Variants in RIN2 observed in about 807,000 individuals in gnomAD.
RIN2 encodes Ras and Rab interactor 2.
In RIN2, 36 loss-of-function variants were observed where a neutral mutation model predicts 78.0. That is an observed-to-expected ratio of 0.46 (90% CI 0.35 to 0.61). RIN2 has a LOEUF of 0.61. RIN2 is among the 20% of genes least tolerant of loss of function. The pLI is 0.00. For synonymous variants in RIN2, 466 were observed against 466.8 expected, an observed-to-expected ratio of 1.00 and a Z score of 0.02; for missense variants, 1,087 against 1,159.7, an observed-to-expected ratio of 0.94 and a Z score of 0.91.
intron 3 of RIN2, among the ~76,000 whole-genome samples, chr20:19,904,731 G>C (rs1294549776): frequency 9.2e-5 from 14 of 152,218 alleles, no homozygotes; most frequent in Non-Finnish European, 2.1e-4. Context: ...CGGAAGCGGT[G>C]ATGGGTATGA....
chr20:19,783,877 TG>T (rs2034588940), intron 1 of RIN2, among the ~76,000 whole-genome samples: 1 of 152,086 alleles, frequency 6.6e-6, no homozygotes, highest in South Asian at 2.1e-4. Context: ...GGCCTCTCCC[TG>T]GGAAAAGCTC....
intron 3 of RIN2, among the ~76,000 whole-genome samples, chr20:19,928,885 G>A (rs1388678541): frequency 6.6e-6 from 1 of 152,174 alleles, no homozygotes; most frequent in African/African-American, 2.4e-5. Context: ...CCTCTGTCCT[G>A]CTGTACATGC....
intron 2 of RIN2, among the ~76,000 whole-genome samples, chr20:19,815,560 C>G (rs985881715): frequency 3.9e-5 from 6 of 152,164 alleles, no homozygotes; most frequent in African/African-American, 1.4e-4. Context: ...CTTCTTTGGA[C>G]TTTTCAAAAG....
At chr20:19,856,220 C>T (rs1177786062) in intron 2 of RIN2, among the ~76,000 whole-genome samples, 4 of 152,054 alleles carry the variant, frequency 2.6e-5, no homozygotes, top group Admixed American at 2.6e-4. Flanking sequence ...ATGGGAAAAA[C>T]TGTGCATGAC....
intron 2 of RIN2, among the ~76,000 whole-genome samples, chr20:19,873,253 T>C (rs1287435476): frequency 6.6e-6 from 1 of 152,130 alleles, no homozygotes; most frequent in East Asian, 1.9e-4. Flanking sequence ...GCCTCCCAAG[T>C]AGCTGGGACT....
At chr20:19,916,303 C>G (rs2039683040) in intron 3 of RIN2, among the ~76,000 whole-genome samples, 1 of 152,142 alleles carries the variant, frequency 6.6e-6, no homozygotes, top group Non-Finnish European at 1.5e-5. Flanking sequence ...CCCAGGAACA[C>G]TGCTTTAAGT....
chr20:19,898,788 G>A (rs571630578), intron 3 of RIN2, among the ~76,000 whole-genome samples: 3 of 152,218 alleles, frequency 2.0e-5, no homozygotes, highest in East Asian at 1.9e-4. Context: ...GTTAAATCAC[G>A]TGCCAGCATG....
chr20:19,967,397 A>AT (rs773868213), intron 7 of RIN2, among the ~76,000 whole-genome samples: 80 of 152,278 alleles, frequency 5.3e-4, no homozygotes, highest in Non-Finnish European at 8.4e-4. Flanking sequence ...TTGGTAGTTG[A>AT]TTTACTCAGT....
At chr20:19,970,078 C>T (rs1320637196) in intron 7 of RIN2, among the ~76,000 whole-genome samples, 2 of 152,334 alleles carry the variant, frequency 1.3e-5, no homozygotes, top group South Asian at 2.1e-4. Context: ...TCCATCTGCA[C>T]GTGGCACCAT....
chr20:19,809,770 C>G (rs1391049362), intron 2 of RIN2: 1 of 152,142 alleles, frequency 6.6e-6, no homozygotes, highest in Non-Finnish European at 1.5e-5. Context: ...AGGAGGACGC[C>G]TACTGCCTGG....
At chr20:19,998,587 G>C (rs1487193067) in intron 12 of RIN2, among the ~76,000 whole-genome samples, 1 of 152,128 alleles carries the variant, frequency 6.6e-6, no homozygotes, top group Non-Finnish European at 1.5e-5. Flanking sequence ...CTCCAGCCTG[G>C]GCAGCAGAAT....
intron 2 of RIN2, among the ~76,000 whole-genome samples, chr20:19,848,088 A>G (rs937390117): frequency 2.0e-5 from 3 of 152,094 alleles, no homozygotes; most frequent in Middle Eastern, 3.2e-3. Context: ...AGCAAGGGGG[A>G]GGGAGGGGAC....
At chr20:19,918,325 GA>G (rs997438030) in intron 3 of RIN2, among the ~76,000 whole-genome samples, 4 of 151,074 alleles carry the variant, frequency 2.6e-5, no homozygotes, top group East Asian at 2.0e-4. Context: ...TTCAAAAAAC[GA>G]AAAAACGTGA....
intron 3 of RIN2, among the ~76,000 whole-genome samples, chr20:19,904,198 C>T (rs2039112057): frequency 6.7e-6 from 1 of 149,236 alleles, no homozygotes; most frequent in African/African-American, 2.5e-5. Flanking sequence ...TGCCATTGCA[C>T]TCCAGCCTGG....
chr20:19,832,556 C>G (rs1233257606), intron 2 of RIN2, among the ~76,000 whole-genome samples: 1 of 151,816 alleles, frequency 6.6e-6, no homozygotes, highest in African/African-American at 2.4e-5. Context: ...CCATGACCCA[C>G]CAGCCCTGAT....
intron 3 of RIN2, among the ~76,000 whole-genome samples, chr20:19,904,542 C>T (rs951128646): frequency 5.9e-5 from 9 of 151,844 alleles, no homozygotes; most frequent in Admixed American, 1.3e-4. Flanking sequence ...GAGAAAGAGA[C>T]GAAAGGAAGA....
intron 2 of RIN2, among the ~76,000 whole-genome samples, chr20:19,858,835 G>C (rs1339911642): frequency 6.6e-6 from 1 of 152,208 alleles, no homozygotes; most frequent in Non-Finnish European, 1.5e-5. Context: ...TTCATAAAGA[G>C]ACCCTGGCAG....
chr20:19,956,598 G>A lies in RIN2; in HGVS notation c.159-17G>A, dbSNP rs372254069. The A allele has an allele frequency of 6.3e-5, 102 of 1,610,530 alleles. No homozygotes were observed. The highest frequency in any genetic ancestry group is 3.3e-4 in the Middle Eastern group (2 of 6,058). ...GGTACTGCAGCCAGCTGACCGTGCC[G>A]CTTCTCTTTCTCCTAGCATGGTAAG... On this transcript the variant is annotated splice_polypyrimidine_tract_variant and intron_variant, in intron 4 of 12. Coordinates refer to ENST00000255006, the MANE Select transcript of RIN2 (RefSeq NM_018993.4).
intron 3 of RIN2, among the ~76,000 whole-genome samples, chr20:19,916,023 C>T (rs763885331): frequency 2.0e-5 from 3 of 152,130 alleles, no homozygotes; most frequent in East Asian, 3.9e-4. Flanking sequence ...GAGTGGATCA[C>T]GAGGTCAAGA....
Sources: gnomAD v4.1 joint callset for allele counts (sites outside exome capture counted in the v4.1 genomes callset) on GRCh38, gnomAD v4.1.1 for gene constraint, MANE v1.5 for transcripts, NCBI Gene and HGNC (gene_info 2026-07-23, HGNC 2026-07-21) for gene names.